Variants in GSTM3 observed in about 807,000 individuals in gnomAD.
GSTM3 encodes the protein GST class-mu 3.
A neutral mutation model predicts 36.1 loss-of-function variants in GSTM3; 34 were observed. The observed-to-expected ratio is 0.94, with a 90% CI of 0.72 to 1.25. The LOEUF (loss-of-function observed/expected upper bound fraction) is 1.25. Among genes scored for constraint, GSTM3 ranks in the 50% most tolerant of loss-of-function variants. The pLI is 0.00. For missense variants in GSTM3, 266 were observed against 281.6 expected (o/e 0.94, Z 0.40); for synonymous variants, 102 against 99.5 (o/e 1.03, Z -0.15).
chr1:109,737,247 G>A (rs1570662731), intron 8 of GSTM3, 78 bp from the exon 9 acceptor site: 6 of 1,024,518 alleles, frequency 5.9e-6, no homozygotes, highest in Admixed American at 1.7e-5. Context: ...CAACATTCAC[G>A]TGTTGCCTGC....
chr1:109,739,686 T>G (rs555454559), intron 3 of GSTM3, 147 bp downstream of exon 3: 2 of 702,984 alleles, frequency 2.8e-6, no homozygotes, highest in Admixed American at 2.5e-5. Flanking sequence ...GAACCCCCAG[T>G]TCCAGATAAA....
At chr1:109,739,795 G>C (rs1441868129) in intron 3 of GSTM3, 38 bp downstream of exon 3, 1 of 1,463,998 alleles carries the variant, frequency 6.8e-7, no homozygotes, top group Non-Finnish European at 9.4e-7. Flanking sequence ...GCAGGTGGAG[G>C]GCCAGCTTGG....
intron 2 of GSTM3, 68 bp from the exon 3 acceptor site, chr1:109,739,976 C>A (rs1347176423): frequency 7.7e-7 from 1 of 1,295,574 alleles, no homozygotes; most frequent in Non-Finnish European, 1.1e-6. Context: ...CGCTAACGTT[C>A]CCCGGCCCGG....
At chr1:109,740,149 C>G (rs1250182520) in intron 2 of GSTM3, 91 bp downstream of exon 2, 5 of 1,189,728 alleles carry the variant, frequency 4.2e-6, no homozygotes, top group Non-Finnish European at 6.1e-6. Flanking sequence ...CCGCGTAGAG[C>G]TGCTCCTGCT....
rs142070930 is a variant in GSTM3, at chr1:109,740,260, C to T, written c.28G>A (p.Gly10Arg). The T allele has an allele frequency of 2.0e-5, 32 of 1,613,556 alleles. No individual in the cohort carries two copies. The African/African-American group carries it at 3.6e-4, about 18-fold the overall frequency. Residue 10 changes from glycine (G) to arginine (R), a missense_variant, in exon 2 of 9, where the codon GGG (glycine) becomes AGG (arginine). Transcript: ENST00000361066. ...CTCACCCCACGAATATCCCAGTACC[C>T]GAGAACCATAGACGACTCGCACGAC... Reference protein sequence around the residue: MSCESSMVLGYWDIRGLAHA... With the variant: MSCESSMVLRYWDIRGLAHA...
chr1:109,736,970 AC>A lies in GSTM3; in HGVS notation c.*100del. 1 of 694,224 alleles carries A rather than the reference AC, an allele frequency of 1.4e-6. No individual in the cohort carries two copies. The highest frequency in any genetic ancestry group is 1.7e-5 in the South Asian group (1 of 58,226). The allele number at this position is 694,224 out of a possible 1,614,324, so 43.0% of individuals were successfully genotyped here. On this transcript the variant is annotated 3_prime_UTR_variant, in exon 9 of 9. Coordinates refer to ENST00000361066, the MANE Select transcript of GSTM3 (RefSeq NM_000849.5). ...ATACCCAAGAGAAACTCAGCTGGAC[AC>A]CAGTAACATAAGTGCTATTCATTGA...
intron 8 of GSTM3, 39 bp downstream of exon 8, chr1:109,737,418 G>A (rs1649233959): frequency 7.9e-7 from 1 of 1,263,332 alleles, no homozygotes; most frequent in African/African-American, 1.5e-5. Flanking sequence ...AGGGGAGCCT[G>A]TGAGTGTTTT....
In GSTM3 at chr1:109,740,840, C is replaced by A. The variant is rs560861074; in HGVS notation, c.-225+113G>T. On this transcript the variant is annotated intron_variant, in intron 1 of 8. Transcript: ENST00000361066. ...CCAACGTGCTTTTCCAGTCCTGTCT[C>A]TCCCTCAGCCCGTCACAACTTCATA... The A allele has an allele frequency of 3.1e-5, 5 of 160,438 alleles. No individual in the cohort carries two copies. In the South Asian group the frequency reaches 8.8e-4, roughly 28 times the overall value. The allele number at this position is 160,438 out of a possible 1,614,324, so 9.9% of individuals were successfully genotyped here.
rs1649261669 is a variant in GSTM3 at position 109,738,162 on chromosome 1, C to T, written c.301G>A (p.Val101Met). The change falls in exon 6 of 9, where the codon GTG becomes ATG. Residue 101 changes from valine (V) to methionine (M), a missense_variant. By Grantham distance (21) the Val-to-Met change is conservative. Transcript: ENST00000361066. ...CGETEEEKIR[V>M]DIIENQVMDF... ...ATTACTTGGTTCTCTATGATGTCCACTCGAATCTTTTCTTCTTCAGTCTCA... is the reference window on the plus strand; with the variant it reads ...ATTACTTGGTTCTCTATGATGTCCATTCGAATCTTTTCTTCTTCAGTCTCA... 6.2e-7 allele frequency: 1 copy of T among 1,613,808 alleles called. No homozygotes were observed. The highest frequency in any genetic ancestry group is 8.5e-7 in the Non-Finnish European group (1 of 1,179,648).
At chr1:109,738,449 G>C in intron 4 of GSTM3, 83 bp from the exon 5 acceptor site, 1 of 873,614 alleles carries the variant, frequency 1.1e-6, no homozygotes, top group South Asian at 1.4e-5. Context: ...AAGAACACTT[G>C]CAGGGCAGTG....
rs778808553 is a variant in GSTM3 at position 109,740,352 on chromosome 1, C to A, written c.-65G>T. On this transcript the variant is annotated 5_prime_UTR_variant, in exon 2 of 9. An upstream start codon of the reference 5' UTR is lost. Coordinates refer to ENST00000361066, the MANE Select transcript of GSTM3 (RefSeq NM_000849.5). ...TGAGCGGGAGGGGCTTTATACCCGA[C>A]ATAAGGGGGCGGGGCCCACGCGCGG... 1 of 1,427,760 alleles carries A rather than the reference C, an allele frequency of 7.0e-7. No homozygotes were observed. Among genetic ancestry groups the A allele is most frequent in the East Asian group, 2.4e-5 (1 of 42,344 alleles). 88.4% of individuals were successfully genotyped at this position (1,427,760 alleles called of 1,614,324 possible).
chr1:109,736,712 CCA>C lies in GSTM3; in HGVS notation c.*357_*358del. ...CGAACTCCGGTTAAGTCCATCAGTA[CCA>C]CAGTTTTACTTGTGTTATCCTCACC... On this transcript the variant is annotated 3_prime_UTR_variant, in exon 9 of 9. Coordinates refer to ENST00000361066, the MANE Select transcript of GSTM3 (RefSeq NM_000849.5). The C allele has an allele frequency of 4.9e-6, 1 of 202,944 alleles. No individual in the cohort carries two copies. The highest frequency in any genetic ancestry group is 1.0e-5 in the Non-Finnish European group (1 of 100,390). 12.6% of individuals were successfully genotyped at this position (202,944 alleles called of 1,614,324 possible). A position where few individuals can be genotyped will look rare whatever the true frequency, so the allele number is the denominator to read the frequency against.
chr1:109,739,586 T>C, intron 3 of GSTM3, 93 bp from the exon 4 acceptor site: 1 of 943,560 alleles, frequency 1.1e-6, no homozygotes, highest in Non-Finnish European at 1.7e-6. Context: ...TCCCAATACC[T>C]CAAATTCCCA....
Position 109,737,237 on chromosome 1 carries a change from C to T in GSTM3, c.580-68G>A, listed in dbSNP as rs1649227855. On this transcript the variant is annotated intron_variant, in intron 8 of 8. Transcript: ENST00000361066. ...GTCCAACAGATGCATACCAGAACAG[C>T]AACATTCACGTGTTGCCTGCGTCTA... is the stretch of plus-strand genomic sequence containing the variant. 2.6e-5 allele frequency: 29 copies of T among 1,109,594 alleles called. No individual in the cohort carries two copies. In the South Asian group the frequency reaches 3.6e-4, roughly 14 times the overall value. The allele number at this position is 1,109,594 out of a possible 1,614,324, so 68.7% of individuals were successfully genotyped here.
At chr1:109,738,251 G>C (rs1007196176) in intron 5 of GSTM3, 34 bp downstream of exon 5, 1 of 1,601,950 alleles carries the variant, frequency 6.2e-7, no homozygotes, top group Non-Finnish European at 8.6e-7. Flanking sequence ...CAAACTACCA[G>C]CCTGGGGTCC....
At chr1:109,739,992 C>T in intron 2 of GSTM3, 84 bp from the exon 3 acceptor site, 1 of 1,171,250 alleles carries the variant, frequency 8.5e-7, no homozygotes, top group Non-Finnish European at 1.2e-6. Context: ...CCCGGGGCTG[C>T]CGAGTCCCTG....
Position 109,734,352 on chromosome 1 carries a change from A to G in GSTM3, c.*2719T>C, listed in dbSNP as rs1383346590. The G allele has an allele frequency of 6.6e-6, 1 of 152,166 alleles. No individual in the cohort carries two copies. The highest frequency in any genetic ancestry group is 6.5e-5 in the Admixed American group (1 of 15,284). The allele number at this position is 152,166 out of a possible 1,614,324, so 9.4% of individuals were successfully genotyped here. A position where few individuals can be genotyped will look rare whatever the true frequency, so the allele number is the denominator to read the frequency against. On this transcript the variant is annotated 3_prime_UTR_variant, in exon 9 of 9. Coordinates refer to ENST00000361066, the MANE Select transcript of GSTM3 (RefSeq NM_000849.5). ...AAGGGTAACTTCTTCCGTTTTTCCTATTAACTGTAGAGGCAGTATAGGCAC... is the reference window on the plus strand; with the variant it reads ...AAGGGTAACTTCTTCCGTTTTTCCTGTTAACTGTAGAGGCAGTATAGGCAC...
intron 1 of GSTM3, among the ~76,000 whole-genome samples, 172 bp downstream of exon 1, chr1:109,740,781 C>G (rs1649361211): frequency 6.6e-6 from 1 of 152,338 alleles, no homozygotes; most frequent in East Asian, 1.9e-4. Flanking sequence ...CCAAGCTCCC[C>G]TCTCTGTCAG....
chr1:109,738,203 A>G lies in GSTM3; in HGVS notation c.272-12T>C, dbSNP rs1557979719. 1.2e-6 allele frequency: 2 copies of G among 1,605,658 alleles called. No homozygotes were observed. Among genetic ancestry groups the G allele is most frequent in the Non-Finnish European group, 1.7e-6 (2 of 1,172,222 alleles). ...TTCAGTCTCACCACCTGTAGGCCAA[A>G]TGACAACAAATCACCCTTGGCATCA... On this transcript the variant is annotated splice_polypyrimidine_tract_variant and intron_variant, in intron 5 of 8. Transcript: ENST00000361066.
Sources: gnomAD v4.1 joint callset for allele counts (sites outside exome capture counted in the v4.1 genomes callset) on GRCh38, gnomAD v4.1.1 for gene constraint, MANE v1.5 for transcripts, NCBI Gene and HGNC (gene_info 2026-07-23, HGNC 2026-07-21) for gene names.